CDC42: variants seen among roughly 807,000 people sequenced by gnomAD.
The protein encoded by CDC42 is cell division cycle 42.
CDC42 carries 1 observed loss-of-function variant against 20.8 expected under a neutral mutation model. That is an observed-to-expected ratio of 0.05 (90% confidence interval 0.02 to 0.23). The LOEUF (loss-of-function observed/expected upper bound fraction) is 0.23, where lower values mean the gene tolerates loss of function less well. Ranked by LOEUF, CDC42 falls within the 10% of genes least tolerant of loss-of-function variation. The probability of loss-of-function intolerance (pLI) is 1.00; values close to 1 mark genes in which losing one functional copy is unlikely to be tolerated. For missense variants in CDC42, 49 were observed against 227.9 expected, an observed-to-expected ratio of 0.21 and a Z score of 5.05; for synonymous variants, 72 against 84.8, an observed-to-expected ratio of 0.85 and a Z score of 0.83.
At chr1:22,080,215 C>T (rs1196100699) in intron 2 of CDC42, among the ~76,000 whole-genome samples, 1 of 152,160 alleles carries the variant, frequency 6.6e-6, no homozygotes, top group Non-Finnish European at 1.5e-5. Flanking sequence ...CGTAATTACA[C>T]TAGCATAAGT....
chr1:22,089,373 C>T (rs1258124176), intron 5 of CDC42, among the ~76,000 whole-genome samples: 1 of 152,170 alleles, frequency 6.6e-6, no homozygotes, highest in Non-Finnish European at 1.5e-5. Context: ...GGACCCCATT[C>T]TTTGTTTTCT....
Position 22,078,505 on chromosome 1 carries a change from G to T in CDC42, c.27G>T (p.Val9=). ...TGCAGACAATTAAGTGTGTTGTTGT[G>T]GGCGATGGTGCTGTTGGTAAAACAT... The part of the protein sequence containing the change: MQTIKCVV[V]GDGAVGKTCL... The change falls in exon 2 of 6, where the codon GTG becomes GTT. Residue 9 remains valine (V), a synonymous_variant. Transcript: ENST00000656825. 1 of 1,612,472 alleles carries T rather than the reference G, an allele frequency of 6.2e-7. No individual in the cohort carries two copies.
intron 5 of CDC42, among the ~76,000 whole-genome samples, 191 bp downstream of exon 5, chr1:22,087,057 C>A (rs1469072524): frequency 3.3e-5 from 5 of 152,094 alleles, no homozygotes; most frequent in East Asian, 3.9e-4. Context: ...AGTTCCTAAA[C>A]CCCTTGTGTT....
rs1269260317 is a variant in CDC42 at position 22,099,016 on chromosome 1, C to T, written c.*7499C>T. ...TGATCCTCCCACCTCGGCCTCCCAACGTGCTGGGATTACAGGCATTAGCCA... is the reference window on the plus strand; with the variant it reads ...TGATCCTCCCACCTCGGCCTCCCAATGTGCTGGGATTACAGGCATTAGCCA... On this transcript the variant is annotated 3_prime_UTR_variant, in exon 6 of 6. Coordinates refer to ENST00000656825, the MANE Select transcript of CDC42 (RefSeq NM_001791.4). 6.6e-6 allele frequency among the ~76,000 whole-genome samples: 1 copy of T among 152,134 alleles called. No homozygotes were observed. The highest frequency in any genetic ancestry group is 1.5e-5 in the Non-Finnish European group (1 of 68,024).
Position 22,052,756 on chromosome 1 carries a change from C to G in CDC42, c.-51+14C>G, listed in dbSNP as rs1395131312. 1 of 152,812 alleles carries G rather than the reference C, an allele frequency of 6.5e-6. No individual in the cohort carries two copies. The highest frequency in any genetic ancestry group is 2.4e-5 in the African/African-American group (1 of 41,466). The allele number at this position is 152,812 out of a possible 1,614,324, so 9.5% of individuals were successfully genotyped here. A position where few individuals can be genotyped will look rare whatever the true frequency, so the allele number is the denominator to read the frequency against. On this transcript the variant is annotated intron_variant, in intron 1 of 5. Coordinates refer to ENST00000656825, the MANE Select transcript of CDC42 (RefSeq NM_001791.4). ...GGAGAAGCTGAGGTGAGTGCGGGGC[C>G]CGAGGTTCCCCGCGGGAGCTGCCAC...
rs368722256 is a variant in CDC42 at position 22,094,454 on chromosome 1, C to T, written c.*2937C>T. On this transcript the variant is annotated 3_prime_UTR_variant, in exon 6 of 6. Coordinates refer to ENST00000656825, the MANE Select transcript of CDC42 (RefSeq NM_001791.4). ...CTGGGACTACCGGCGCCCGCTACCA[C>T]GCCCGGCTAATTTTTTGTATTTTTA... Among the ~76,000 whole-genome samples the T allele has an allele frequency of 1.1e-4, 16 of 146,018 alleles. No individual in the cohort carries two copies. The East Asian group carries it at 2.8e-3, about 25-fold the overall frequency.
chr1:22,093,039 A>G lies in CDC42; in HGVS notation c.*1522A>G, dbSNP rs1394800726. 2.0e-5 allele frequency: 3 copies of G among 152,598 alleles called. No homozygotes were observed. The highest frequency in any genetic ancestry group is 7.2e-5 in the African/African-American group (3 of 41,444). The allele number at this position is 152,598 out of a possible 1,614,324, so 9.5% of individuals were successfully genotyped here. On this transcript the variant is annotated 3_prime_UTR_variant, in exon 6 of 6. Transcript: ENST00000656825. ...CTCTTGATAACATCAATTTCTAACA[A>G]ACTTTGGGATAAAATTTTAAAGCTT...
Position 22,086,558 on chromosome 1 carries a change from T to G in CDC42, c.288+10T>G. On this transcript the variant is annotated intron_variant, in intron 4 of 5. Coordinates refer to ENST00000656825, the MANE Select transcript of CDC42 (RefSeq NM_001791.4). ...AAACGTGAAAGAAAAGGTAAGCTGA[T>G]CAGATACTCTTGCCCTAAGAAGATC... 1 of 1,596,184 alleles carries G rather than the reference T, an allele frequency of 6.3e-7. No individual in the cohort carries two copies. The highest frequency in any genetic ancestry group is 8.6e-7 in the Non-Finnish European group (1 of 1,164,332).
intron 1 of CDC42, among the ~76,000 whole-genome samples, chr1:22,061,561 T>A (rs1422438309): frequency 4.5e-5 from 4 of 89,384 alleles, no homozygotes; most frequent in South Asian, 4.0e-4. Flanking sequence ...TTTTTTTTTT[T>A]GAGATGGAGT....
intron 5 of CDC42, chr1:22,090,318 C>G: frequency 2.7e-6 from 3 of 1,095,596 alleles, no homozygotes; most frequent in Non-Finnish European, 3.3e-6. Context: ...CTTGGTCTGG[C>G]TTTAAGAATG....
At chr1:22,085,909 C>CA in intron 3 of CDC42, among the ~76,000 whole-genome samples, 1 of 152,102 alleles carries the variant, frequency 6.6e-6, no homozygotes, top group South Asian at 2.1e-4. Flanking sequence ...ACAGTGATGC[C>CA]ATCTCGGCTC....
chr1:22,085,859 T>C (rs982135265), intron 3 of CDC42, among the ~76,000 whole-genome samples: 2 of 152,180 alleles, frequency 1.3e-5, no homozygotes, highest in African/African-American at 4.8e-5. Flanking sequence ...TTCTTTACCA[T>C]ATCTGAGATG....
At chr1:22,067,265 G>A (rs994988772) in intron 1 of CDC42, among the ~76,000 whole-genome samples, 5 of 152,152 alleles carry the variant, frequency 3.3e-5, no homozygotes, top group African/African-American at 1.2e-4. Flanking sequence ...ATATTGGGGT[G>A]CTGGCGTATT....
Position 22,093,018 on chromosome 1 carries a change from T to C in CDC42, c.*1501T>C, listed in dbSNP as rs1474260903. Reference sequence around the variant, plus strand: ...TATTGAGGAGTGGGAATTTGACTCTTGATAACATCAATTTCTAACAAACTT... The same window carrying C: ...TATTGAGGAGTGGGAATTTGACTCTCGATAACATCAATTTCTAACAAACTT... On this transcript the variant is annotated 3_prime_UTR_variant, in exon 6 of 6. Transcript: ENST00000656825. The C allele has an allele frequency of 6.6e-6, 1 of 152,666 alleles. No homozygotes were observed. The highest frequency in any genetic ancestry group is 2.4e-5 in the African/African-American group (1 of 41,474). The allele number at this position is 152,666 out of a possible 1,614,324, so 9.5% of individuals were successfully genotyped here. A position where few individuals can be genotyped will look rare whatever the true frequency, so the allele number is the denominator to read the frequency against.
At chr1:22,090,359 CA>C in intron 5 of CDC42, 1 of 1,051,692 alleles carries the variant, frequency 9.5e-7, no homozygotes, top group Non-Finnish European at 1.2e-6. Flanking sequence ...AGAGTTTTAA[CA>C]CTTCTAGATC....
At chr1:22,057,166 G>T (rs1645312024) in intron 1 of CDC42, among the ~76,000 whole-genome samples, 1 of 152,194 alleles carries the variant, frequency 6.6e-6, no homozygotes, top group Non-Finnish European at 1.5e-5. Context: ...GGTAGCAGTA[G>T]TGCTTACCTA....
intron 5 of CDC42, among the ~76,000 whole-genome samples, chr1:22,089,394 G>T (rs921599352): frequency 2.0e-5 from 3 of 152,182 alleles, no homozygotes; most frequent in African/African-American, 7.2e-5. Context: ...TATGACTTGG[G>T]TGGTGGTTAC....
intron 1 of CDC42, among the ~76,000 whole-genome samples, chr1:22,054,921 ATTTTTTTTTTTTTTTTTTTTTTT>A (rs1180547322): frequency 0.014 from 275 of 19,346 alleles, 4 homozygotes; most frequent in Middle Eastern, 0.083. Context: ...ATATATATAT[ATTTTTTTTTTTTTTTTTTTTTTT>A]TTTTTTTTTT....
rs56218067 is a variant in CDC42, at chr1:22,069,613, CTTTTTTTTT to C, written c.-50-8798_-50-8790del. Among the ~76,000 whole-genome samples, 2 of 109,766 alleles carry C rather than the reference CTTTTTTTTT, an allele frequency of 1.8e-5. 1 individual carries two copies. Among genetic ancestry groups the C allele is most frequent in the Non-Finnish European group, 3.6e-5 (2 of 54,904 alleles). 72.0% of individuals were successfully genotyped at this position (109,766 alleles called of 152,430 possible). On this transcript the variant is annotated intron_variant, in intron 1 of 5. Transcript: ENST00000656825. ...TTGGGACTACAGGCACATGCCACCA[CTTTTTTTTT>C]TTTTTTTTTTTTTTTTTAATTTTTT...
Sources: allele counts gnomAD v4.1 joint callset (sites outside exome capture counted in the v4.1 genomes callset), GRCh38; gene constraint gnomAD v4.1.1; transcripts MANE v1.5; gene names NCBI Gene and HGNC (gene_info 2026-07-23, HGNC 2026-07-21).